The following PCID2 variants were observed in gnomAD, a reference collection of about 807,000 sequenced individuals.
PCID2 encodes PCI domain containing 2.
A neutral mutation model predicts 61.3 loss-of-function variants in PCID2; 41 were observed. That is an observed-to-expected ratio of 0.67 (90% CI 0.52 to 0.87). The LOEUF is 0.87. Ranked by LOEUF, PCID2 falls within the 40% of genes least tolerant of loss-of-function variation. The probability of loss-of-function intolerance (pLI) is 0.00; values close to 1 mark genes in which losing one functional copy is unlikely to be tolerated. For missense variants in PCID2, 392 were observed against 493.4 expected (o/e 0.79, Z 1.95); for synonymous variants, 187 against 177.8 (o/e 1.05, Z -0.41).
intron 5 of PCID2, among the ~76,000 whole-genome samples, 183 bp from the exon 6 acceptor site, chr13:113,195,308 T>C (rs1396977221): frequency 6.6e-6 from 1 of 152,204 alleles, no homozygotes; most frequent in Non-Finnish European, 1.5e-5. Flanking sequence ...TCAGACTTCC[T>C]GATCATCCTG....
chr13:113,172,394 T>C, the PCID2 span: 1 of 422,190 alleles, frequency 2.4e-6, no homozygotes, highest in Non-Finnish European at 4.4e-6. Flanking sequence ...GCAGCCTGGT[T>C]TCCAGAAATT....
At chr13:113,180,942 G>A (rs1464638312) in intron 10 of PCID2, among the ~76,000 whole-genome samples, 188 bp downstream of exon 10, 2 of 152,204 alleles carry the variant, frequency 1.3e-5, no homozygotes, top group Admixed American at 6.5e-5. Context: ...AGGACCTGGA[G>A]GCGTAAGGCA....
intron 7 of PCID2, 64 bp downstream of exon 7, chr13:113,190,808 G>C: frequency 1.1e-6 from 1 of 883,244 alleles, no homozygotes; most frequent in Admixed American, 2.1e-5. Context: ...GCCAGAAAGG[G>C]TGAACGCTGC....
At chr13:113,181,472 A>C (rs58267249) in intron 9 of PCID2, among the ~76,000 whole-genome samples, 2,603 of 152,356 alleles carry the variant, frequency 0.017, 71 homozygotes, top group African/African-American at 0.058. Context: ...AACTGAAGAA[A>C]ATAACTTTCA....
intron 1 of PCID2, among the ~76,000 whole-genome samples, chr13:113,201,135 C>G (rs542983058): frequency 6.6e-6 from 1 of 152,032 alleles, no homozygotes; most frequent in South Asian, 2.1e-4. Context: ...AGCTTCCACT[C>G]AACCTTAATA....
intron 1 of PCID2, among the ~76,000 whole-genome samples, chr13:113,203,005 C>G (rs1036869803): frequency 1.3e-5 from 2 of 152,178 alleles, no homozygotes; most frequent in African/African-American, 2.4e-5. Context: ...CAAAAAAAAT[C>G]CTGAATTTCA....
chr13:113,183,463 T>C (rs1259455935), intron 9 of PCID2, among the ~76,000 whole-genome samples: 1 of 152,108 alleles, frequency 6.6e-6, no homozygotes, highest in Non-Finnish European at 1.5e-5. Context: ...AGAAAAGCCC[T>C]TCTTTAAAAG....
chr13:113,189,301 T>C (rs958058755), intron 7 of PCID2, among the ~76,000 whole-genome samples: 2 of 152,044 alleles, frequency 1.3e-5, no homozygotes, highest in Non-Finnish European at 2.9e-5. Context: ...ATAAACCTCT[T>C]TTCTTACATT....
intron 6 of PCID2, among the ~76,000 whole-genome samples, chr13:113,192,001 A>G (rs2038659445): frequency 1.3e-5 from 2 of 152,246 alleles, no homozygotes; most frequent in Admixed American, 6.5e-5. Context: ...TCACACCTGT[A>G]ATCCCAGCAC....
rs372333589 is a variant in PCID2, at chr13:113,180,012, C to T, written c.891G>A (p.Ala297=). 28 of 1,613,990 alleles carry T rather than the reference C, an allele frequency of 1.7e-5. No homozygotes were observed. In the Admixed American group the frequency reaches 3.5e-4, roughly 20 times the overall value. Residue 297 remains alanine, a synonymous_variant, in exon 12 of 14, where the codon GCG becomes GCA. Coordinates refer to ENST00000337344, the MANE Select transcript of PCID2 (RefSeq NM_001127202.4). The part of the protein sequence containing the change: ...SEGNLLLLHE[A]LAKHEAFFIR... ...TGAAGAAGGCCTCGTGCTTCGCCAG[C>T]GCCTCGTGCAGCAGCAGCAGGTTGC...
At chr13:113,207,669 C>T (rs2039996253) in intron 1 of PCID2, among the ~76,000 whole-genome samples, 1 of 152,206 alleles carries the variant, frequency 6.6e-6, no homozygotes, top group Non-Finnish European at 1.5e-5. Flanking sequence ...AACTGCTGGG[C>T]CCAATCATGT....
rs1229731395 is a variant in PCID2 at position 113,204,937 on chromosome 13, A to G, written c.36+3662T>C. 2.0e-5 allele frequency among the ~76,000 whole-genome samples: 3 copies of G among 152,128 alleles called. 1 individual carries two copies. Among genetic ancestry groups the G allele is most frequent in the Non-Finnish European group, 4.4e-5 (3 of 68,026 alleles). On this transcript the variant is annotated intron_variant, in intron 1 of 13. Coordinates refer to ENST00000337344, the MANE Select transcript of PCID2 (RefSeq NM_001127202.4). ...TGAGCACCTTCTGAGCGGCACCCCC[A>G]GGCCTGGCTCACCAGGGGATGCTCC... is the stretch of plus-strand genomic sequence containing the variant.
intron 10 of PCID2, 133 bp from the exon 11 acceptor site, chr13:113,180,364 C>T (rs2037523819): frequency 1.5e-6 from 1 of 671,020 alleles, no homozygotes; most frequent in Non-Finnish European, 2.6e-6. Context: ...GGATTAAACA[C>T]ATCATAGTAC....
chr13:113,181,223 C>G lies in PCID2; in HGVS notation c.693G>C (p.Glu231Asp). The change falls in exon 10 of 14, where the codon GAG becomes GAC. Residue 231 changes from glutamate to aspartate, a missense_variant. This residue lies in a region of PCID2 where 226 missense variants were observed against 296.5 expected (regional missense o/e 0.76). Coordinates refer to ENST00000337344, the MANE Select transcript of PCID2 (RefSeq NM_001127202.4). ...MFDSDFKQAEEYLSFAFEHCH... is the reference protein window; with the variant it reads ...MFDSDFKQAEDYLSFAFEHCH... ...AATGCTCAAAGGCAAATGACAGGTA[C>G]TCCTCAGCTGCAAAGAAGGCAGAGC... 6.2e-7 allele frequency: 1 copy of G among 1,610,704 alleles called. No homozygotes were observed. Among genetic ancestry groups the G allele is most frequent in the Non-Finnish European group, 8.5e-7 (1 of 1,177,044 alleles).
chr13:113,192,924 A>C (rs2038731423), intron 6 of PCID2, among the ~76,000 whole-genome samples: 1 of 152,106 alleles, frequency 6.6e-6, no homozygotes, highest in South Asian at 2.1e-4. Flanking sequence ...TGGGAAAGAG[A>C]GATCCCTTGC....
chr13:113,184,946 G>A (rs1000419789), intron 8 of PCID2, among the ~76,000 whole-genome samples: 2 of 152,282 alleles, frequency 1.3e-5, no homozygotes, highest in African/African-American at 4.8e-5. Flanking sequence ...AGGGGGCGCA[G>A]CCCTGCAGGA....
chr13:113,168,205 A>G, the PCID2 span, among the ~76,000 whole-genome samples: 1 of 152,252 alleles, frequency 6.6e-6, no homozygotes, highest in Non-Finnish European at 1.5e-5. Flanking sequence ...CCTTACATAT[A>G]TAGTGGAATG....
intron 10 of PCID2, among the ~76,000 whole-genome samples, chr13:113,180,850 G>A (rs1012711386): frequency 3.3e-5 from 5 of 152,102 alleles, no homozygotes; most frequent in East Asian, 1.9e-4. Context: ...CAAATGATAC[G>A]TACTTATTTT....
At chr13:113,180,136 C>T (rs1222507071) in intron 11 of PCID2, 22 bp downstream of exon 11, 27 of 1,613,596 alleles carry the variant, frequency 1.7e-5, no homozygotes, top group Non-Finnish European at 2.0e-5. Context: ...AAACCCCAAA[C>T]AGGAAGGATG....
Sources: allele counts gnomAD v4.1 joint callset (sites outside exome capture counted in the v4.1 genomes callset), GRCh38; gene constraint gnomAD v4.1.1; regional missense constraint gnomAD v4.1.1; transcripts MANE v1.5; gene names NCBI Gene and HGNC (gene_info 2026-07-23, HGNC 2026-07-21).